The following TAMM41 variants were observed in gnomAD, a reference collection of about 807,000 sequenced individuals.
TAMM41 encodes TAM41 mitochondrial translocator assembly and maintenance homolog, also known as phosphatidate cytidylyltransferase, mitochondrial.
A neutral mutation model predicts 44.1 loss-of-function variants in TAMM41; 36 were observed. The ratio of observed to expected loss-of-function variants is 0.82; its 90% CI spans 0.63 to 1.08. The LOEUF is 1.08. Ranked by LOEUF, TAMM41 falls within the 50% of genes least tolerant of loss-of-function variation. The pLI is 0.00. For synonymous variants in TAMM41, 164 were observed against 153.1 expected, an observed-to-expected ratio of 1.07 and a Z score of -0.53; for missense variants, 417 against 404.3, an observed-to-expected ratio of 1.03 and a Z score of -0.27.
At chr3:11,756,957 CT>C in the TAMM41 span, among the ~76,000 whole-genome samples, 1 of 151,750 alleles carries the variant, frequency 6.6e-6, no homozygotes, top group African/African-American at 2.4e-5. Context: ...AGAAAGGATA[CT>C]ATATACTAGT....
At chr3:11,831,443 T>C (rs2125036401) in intron 3 of TAMM41, among the ~76,000 whole-genome samples, 1 of 152,340 alleles carries the variant, frequency 6.6e-6, no homozygotes, top group Admixed American at 6.5e-5. Context: ...TGACTTTCTA[T>C]ACAAAGTAAA....
chr3:11,796,482 T>C (rs2077609654), intron 7 of TAMM41, among the ~76,000 whole-genome samples: 1 of 152,218 alleles, frequency 6.6e-6, no homozygotes, highest in Non-Finnish European at 1.5e-5. Flanking sequence ...GGAATTTAAC[T>C]GAATTTGACC....
At chr3:11,807,220 G>A in intron 7 of TAMM41, 2 of 1,428,524 alleles carry the variant, frequency 1.4e-6, no homozygotes, top group Non-Finnish European at 1.8e-6. Context: ...GGTGTACTCT[G>A]TGGCTCACCA....
intron 4 of TAMM41, among the ~76,000 whole-genome samples, chr3:11,827,968 T>C (rs1016274539): frequency 6.6e-6 from 1 of 152,184 alleles, no homozygotes; most frequent in Non-Finnish European, 1.5e-5. Context: ...ACTTCACAGA[T>C]TAGGGACCAT....
the TAMM41 span, among the ~76,000 whole-genome samples, chr3:11,761,186 C>T: frequency 1.5e-3 from 223 of 150,586 alleles, 1 homozygote; most frequent in African/African-American, 5.3e-3. Flanking sequence ...AAAAAATCAT[C>T]TTCAGGTTGT....
chr3:11,764,578 C>T, the TAMM41 span, among the ~76,000 whole-genome samples: 1 of 146,410 alleles, frequency 6.8e-6, no homozygotes, highest in Non-Finnish European at 1.5e-5. Context: ...CTGCAAGCTC[C>T]GCCTCCCACG....
At chr3:11,758,150 A>G in the TAMM41 span, among the ~76,000 whole-genome samples, 1 of 152,196 alleles carries the variant, frequency 6.6e-6, no homozygotes, top group African/African-American at 2.4e-5. Flanking sequence ...GCAAAGCCCC[A>G]GGAATGGAGA....
chr3:11,791,281 A>G (rs971996981), intron 7 of TAMM41, among the ~76,000 whole-genome samples: 5 of 152,208 alleles, frequency 3.3e-5, no homozygotes, highest in African/African-American at 1.2e-4. Context: ...ATGACAAGAC[A>G]AATGTGCCTC....
intron 5 of TAMM41, among the ~76,000 whole-genome samples, chr3:11,810,229 A>G (rs549025906): frequency 1.3e-5 from 2 of 152,330 alleles, no homozygotes; most frequent in East Asian, 1.9e-4. Context: ...TTTAATCCCC[A>G]GCACACAGTA....
chr3:11,740,988 AG>A, the TAMM41 span, among the ~76,000 whole-genome samples: 1 of 140,224 alleles, frequency 7.1e-6, no homozygotes, highest in African/African-American at 2.8e-5. Context: ...TGGGAGGCTG[AG>A]GTGGATGGAT....
At chr3:11,744,233 AGTTTT>A in the TAMM41 span, among the ~76,000 whole-genome samples, 1 of 151,932 alleles carries the variant, frequency 6.6e-6, no homozygotes, top group Non-Finnish European at 1.5e-5. Flanking sequence ...ATGCCCAGCT[AGTTTT>A]TGTATTTTTA....
the TAMM41 span, among the ~76,000 whole-genome samples, chr3:11,762,755 A>C: frequency 2.0e-5 from 3 of 151,986 alleles, no homozygotes; most frequent in Non-Finnish European, 4.4e-5. Flanking sequence ...TTTCTGTACA[A>C]CCTTTTAAGA....
At chr3:11,774,826 TA>T in the TAMM41 span, among the ~76,000 whole-genome samples, 1 of 151,698 alleles carries the variant, frequency 6.6e-6, no homozygotes, top group African/African-American at 2.4e-5. Flanking sequence ...CATGACCTAA[TA>T]AATTCCCAAA....
chr3:11,796,339 G>T (rs1044459144), intron 7 of TAMM41, among the ~76,000 whole-genome samples: 3 of 152,130 alleles, frequency 2.0e-5, no homozygotes, highest in African/African-American at 7.2e-5. Context: ...TGTGAGTTGG[G>T]TATTAGTATT....
chr3:11,723,589 A>AT, the TAMM41 span, among the ~76,000 whole-genome samples: 1 of 151,724 alleles, frequency 6.6e-6, no homozygotes, highest in African/African-American at 2.4e-5. Flanking sequence ...TCAAAAAAAA[A>AT]AAAAAACAAA....
the TAMM41 span, among the ~76,000 whole-genome samples, chr3:11,779,033 G>A: frequency 6.6e-6 from 1 of 152,140 alleles, no homozygotes; most frequent in African/African-American, 2.4e-5. Context: ...AGGTGTCTGG[G>A]TCATGGGGGC....
At chr3:11,768,263 A>C in the TAMM41 span, among the ~76,000 whole-genome samples, 1 of 151,694 alleles carries the variant, frequency 6.6e-6, no homozygotes, top group Admixed American at 6.6e-5. Flanking sequence ...CTGTCTCCTG[A>C]GTAGCTGGGA....
chr3:11,800,741 A>C (rs2077727759), intron 7 of TAMM41, among the ~76,000 whole-genome samples: 1 of 152,158 alleles, frequency 6.6e-6, no homozygotes, highest in Non-Finnish European at 1.5e-5. Context: ...CATTCTACTC[A>C]CAGCACTATA....
At chr3:11,796,892 A>G (rs1327112030) in intron 7 of TAMM41, among the ~76,000 whole-genome samples, 2 of 152,140 alleles carry the variant, frequency 1.3e-5, no homozygotes, top group African/African-American at 4.8e-5. Flanking sequence ...GCCAATTAAG[A>G]ACGCAACCCC....
Sources: gnomAD v4.1 joint callset for allele counts (sites outside exome capture counted in the v4.1 genomes callset) on GRCh38, gnomAD v4.1.1 for gene constraint, MANE v1.5 for transcripts, NCBI Gene and HGNC (gene_info 2026-07-23, HGNC 2026-07-21) for gene names.